Variants in THRB observed in about 807,000 individuals in gnomAD.
The protein encoded by THRB is nuclear receptor subfamily 1 group A member 2.
In THRB, 12 loss-of-function variants were observed where a neutral mutation model predicts 47.8. The observed-to-expected ratio is 0.25, with a 90% confidence interval of 0.16 to 0.41. The LOEUF (loss-of-function observed/expected upper bound fraction) is 0.41, where lower values mean the gene tolerates loss of function less well. Ranked by LOEUF, THRB falls within the 10% of genes least tolerant of loss-of-function variation. The pLI, the probability that THRB is intolerant of heterozygous loss-of-function variation, is 1.00. For missense variants in THRB, 348 were observed against 589.2 expected (o/e 0.59, Z 4.24); for synonymous variants, 218 against 212.2 (o/e 1.03, Z -0.24).
At chr3:24,403,610 C>T (rs932623186) in intron 1 of THRB, among the ~76,000 whole-genome samples, 13 of 151,894 alleles carry the variant, frequency 8.6e-5, no homozygotes, top group African/African-American at 2.4e-4. Context: ...CACCTGAACA[C>T]GTAGTCATTA....
chr3:24,390,302 C>T (rs539144677), intron 1 of THRB, among the ~76,000 whole-genome samples: 13 of 152,272 alleles, frequency 8.5e-5, no homozygotes, highest in African/African-American at 1.4e-4. Context: ...GTATATTCAC[C>T]GGAGCATAAG....
chr3:24,303,655 A>G (rs1307195547), intron 2 of THRB, among the ~76,000 whole-genome samples: 1 of 152,248 alleles, frequency 6.6e-6, no homozygotes, highest in Non-Finnish European at 1.5e-5. Flanking sequence ...TTACTGGGAC[A>G]AGAGATAATT....
At position 24,118,257 on chromosome 3, in the gene THRB, TTATC is replaced by T. The variant is rs1269299419; in HGVS notation, c.*4623_*4626del. On this transcript the variant is annotated 3_prime_UTR_variant, in exon 11 of 11. Coordinates refer to ENST00000646209, the MANE Select transcript of THRB (RefSeq NM_001354712.2). ...TTTTTTAGAATTTAAGCTTATGAGTTTATCTACGCCCACTATATTCATAATTACA... is the reference window on the plus strand; with the variant it reads ...TTTTTTAGAATTTAAGCTTATGAGTTTACGCCCACTATATTCATAATTACA... 1.3e-5 allele frequency: 2 copies of T among 152,514 alleles called. No individual in the cohort carries two copies. Among genetic ancestry groups the T allele is most frequent in the Non-Finnish European group, 2.9e-5 (2 of 68,046 alleles). 9.4% of individuals were successfully genotyped at this position (152,514 alleles called of 1,614,324 possible).
Position 24,143,630 on chromosome 3 carries a change from CTCTTCCCGCCG to C in THRB, c.598_608del (p.Arg200AlafsTer62). 6.2e-7 allele frequency: 1 copy of C among 1,614,202 alleles called. No homozygotes were observed. The highest frequency in any genetic ancestry group is 8.5e-7 in the Non-Finnish European group (1 of 1,180,036). On this transcript the variant is annotated frameshift_variant, in exon 8 of 11. Transcript: ENST00000646209. LOFTEE classifies it high-confidence loss of function. The stretch of plus-strand genomic sequence containing the variant: ...GCTTGTGCCCGATGGACTTCTGCAG[CTCTTCCCGCCG>C]TCTTTTCTCCCGGTTCTCCTCTATC...
Position 24,340,821 on chromosome 3 carries a change from T to C in THRB, c.-260-3450A>G, listed in dbSNP as rs546120119. ...TTTGCTAATATGTTATTAAACATTA[T>C]ATTTATCTATTTGATAGCAGATAAA... On this transcript the variant is annotated intron_variant, in intron 1 of 10. Coordinates refer to ENST00000646209, the MANE Select transcript of THRB (RefSeq NM_001354712.2). Among the ~76,000 whole-genome samples, 111 of 152,368 alleles carry C rather than the reference T, an allele frequency of 7.3e-4. 2 individuals are homozygous for C. The highest frequency in any genetic ancestry group is 8.8e-5 in the Non-Finnish European group (6 of 68,040).
intron 4 of THRB, among the ~76,000 whole-genome samples, chr3:24,199,344 C>T (rs2149706629): frequency 6.6e-6 from 1 of 152,308 alleles, no homozygotes; most frequent in Non-Finnish European, 1.5e-5. Flanking sequence ...CGCTGCCTTT[C>T]ATTGCTAAAT....
chr3:24,482,110 G>GTC (rs1696526482), intron 1 of THRB, among the ~76,000 whole-genome samples: 1 of 152,130 alleles, frequency 6.6e-6, no homozygotes, highest in Non-Finnish European at 1.5e-5. Context: ...TGACTTCTGG[G>GTC]TCTCTCTCTT....
At position 24,118,878 on chromosome 3, in the gene THRB, AAC is replaced by A. The variant is rs2031104779; in HGVS notation, c.*4004_*4005del. 1 of 152,610 alleles carries A rather than the reference AAC, an allele frequency of 6.6e-6. No homozygotes were observed. The highest frequency in any genetic ancestry group is 1.9e-4 in the East Asian group (1 of 5,188). The allele number at this position is 152,610 out of a possible 1,614,324, so 9.5% of individuals were successfully genotyped here. A position where few individuals can be genotyped will look rare whatever the true frequency, so the allele number is the denominator to read the frequency against. ...TGAAGGCGGCATTAATTAATGTGGA[AAC>A]ACACTATAAATGCACACTTTTCGCA... On this transcript the variant is annotated 3_prime_UTR_variant, in exon 11 of 11. Coordinates refer to ENST00000646209, the MANE Select transcript of THRB (RefSeq NM_001354712.2).
Position 24,173,481 on chromosome 3 carries a change from C to A in THRB, c.283+16593G>T, listed in dbSNP as rs572682591. On this transcript the variant is annotated intron_variant, in intron 5 of 10. Transcript: ENST00000646209. ...GCACTACCAGTACCATAATACACAA[C>A]AAACTTTATCACTGTCACTCCAGAC... Among the ~76,000 whole-genome samples, 8 of 152,306 alleles carry A rather than the reference C, an allele frequency of 5.3e-5. No homozygotes were observed. In the South Asian group the frequency reaches 1.5e-3, roughly 28 times the overall value.
rs555380483 is a variant in THRB at position 24,130,314 on chromosome 3, G to A, written c.886-2557C>T. Among the ~76,000 whole-genome samples, 10 of 152,274 alleles carry A rather than the reference G, an allele frequency of 6.6e-5. No homozygotes were observed. The South Asian group carries it at 1.0e-3, about 16-fold the overall frequency. ...TTGAAAAGTTCCACGTTGACCCCTC[G>A]CCCTTGCCGTGGATGAAAGTGCGCA... On this transcript the variant is annotated intron_variant, in intron 9 of 10. Coordinates refer to ENST00000646209, the MANE Select transcript of THRB (RefSeq NM_001354712.2).
At chr3:24,348,539 A>C (rs756477366) in intron 1 of THRB, 228 of 152,236 alleles carry the variant, frequency 1.5e-3, no homozygotes, top group Non-Finnish European at 1.5e-3. Flanking sequence ...CTCCCCAGTT[A>C]CTTAGTGAGC....
intron 3 of THRB, among the ~76,000 whole-genome samples, chr3:24,288,355 T>C (rs1413216317): frequency 1.3e-5 from 2 of 152,234 alleles, no homozygotes; most frequent in African/African-American, 4.8e-5. Context: ...TATTTACACA[T>C]TCCATACTAC....
intron 4 of THRB, among the ~76,000 whole-genome samples, chr3:24,192,798 A>G (rs2043505303): frequency 6.6e-6 from 1 of 152,170 alleles, no homozygotes; most frequent in Non-Finnish European, 1.5e-5. Flanking sequence ...ATGGTTTGGG[A>G]AAAGGGCTTC....
intron 3 of THRB, among the ~76,000 whole-genome samples, chr3:24,237,540 C>T (rs1033889932): frequency 4.0e-5 from 6 of 151,856 alleles, no homozygotes; most frequent in Non-Finnish European, 8.8e-5. Context: ...TCTCTCTTCC[C>T]CTTCCTCTTC....
chr3:24,412,206 A>G (rs929764330), intron 1 of THRB, among the ~76,000 whole-genome samples: 1 of 152,006 alleles, frequency 6.6e-6, no homozygotes, highest in Non-Finnish European at 1.5e-5. Context: ...TATTTAAACA[A>G]AAGTCTTATC....
intron 1 of THRB, among the ~76,000 whole-genome samples, chr3:24,357,896 C>T (rs911324540): frequency 3.9e-5 from 6 of 152,194 alleles, no homozygotes; most frequent in East Asian, 1.9e-4. Context: ...CAACCACTCC[C>T]CTATCATTCT....
chr3:24,177,490 C>T (rs539825478), intron 5 of THRB, among the ~76,000 whole-genome samples: 9 of 150,954 alleles, frequency 6.0e-5, no homozygotes, highest in East Asian at 5.9e-4. Flanking sequence ...TAAATTATGA[C>T]GAATTCACCA....
chr3:24,258,915 A>T (rs978437762), intron 3 of THRB, among the ~76,000 whole-genome samples: 1 of 152,132 alleles, frequency 6.6e-6, no homozygotes, highest in Non-Finnish European at 1.5e-5. Flanking sequence ...CCTTTTCTAG[A>T]GTGTAGAGTT....
At chr3:24,477,579 T>C (rs1173436339) in intron 1 of THRB, among the ~76,000 whole-genome samples, 1 of 152,072 alleles carries the variant, frequency 6.6e-6, no homozygotes, top group Non-Finnish European at 1.5e-5. Context: ...GAAACGAGGA[T>C]ATGGAAGTCA....
Sources: gnomAD v4.1 joint callset for allele counts (sites outside exome capture counted in the v4.1 genomes callset) on GRCh38, gnomAD v4.1.1 for gene constraint, MANE v1.5 for transcripts, NCBI Gene and HGNC (gene_info 2026-07-23, HGNC 2026-07-21) for gene names.